SMOC1: variants seen among roughly 807,000 people sequenced by gnomAD.
SMOC1 encodes the protein SPARC related modular calcium binding 1.
In SMOC1, 22 loss-of-function variants were observed where a neutral mutation model predicts 56.3. The ratio of observed to expected loss-of-function variants is 0.39; its 90% confidence interval spans 0.28 to 0.56. The LOEUF (loss-of-function observed/expected upper bound fraction) is 0.56, where lower values mean the gene tolerates loss of function less well. Ranked by LOEUF, SMOC1 falls within the 20% of genes least tolerant of loss-of-function variation. SMOC1 has a pLI of 0.61. For synonymous variants in SMOC1, 193 were observed against 215.0 expected (o/e 0.90, Z 0.89); for missense variants, 509 against 565.4 (o/e 0.90, Z 1.01).
intron 5 of SMOC1, among the ~76,000 whole-genome samples, chr14:69,987,280 T>C (rs1884399928): frequency 6.6e-6 from 1 of 152,224 alleles, no homozygotes. Flanking sequence ...ATGGACATGG[T>C]TTGGGGAGAG....
intron 7 of SMOC1, 48 bp from the exon 8 acceptor site, chr14:70,010,706 T>C: frequency 6.3e-7 from 1 of 1,598,684 alleles, no homozygotes; most frequent in Non-Finnish European, 8.6e-7. Flanking sequence ...GACAGGAGTG[T>C]TAAATCACAG....
At chr14:69,925,802 T>C (rs1236639102) in intron 1 of SMOC1, among the ~76,000 whole-genome samples, 1 of 152,142 alleles carries the variant, frequency 6.6e-6, no homozygotes, top group Non-Finnish European at 1.5e-5. Flanking sequence ...AGCAAGTTCA[T>C]TGTAGGTTAG....
chr14:69,918,731 C>T (rs1318763189), intron 1 of SMOC1, among the ~76,000 whole-genome samples: 1 of 152,132 alleles, frequency 6.6e-6, no homozygotes, highest in Non-Finnish European at 1.5e-5. Context: ...ACACCTAGAA[C>T]CTGGCAAAAA....
intron 3 of SMOC1, among the ~76,000 whole-genome samples, chr14:69,961,738 T>C (rs576981669): frequency 6.6e-6 from 1 of 152,274 alleles, no homozygotes; most frequent in South Asian, 2.1e-4. Context: ...CATTTTTTTG[T>C]GTTTATCTGT....
intron 6 of SMOC1, among the ~76,000 whole-genome samples, 162 bp downstream of exon 6, chr14:69,992,635 T>C (rs1025594388): frequency 1.6e-4 from 25 of 152,234 alleles, no homozygotes; most frequent in African/African-American, 1.2e-4. Context: ...TTTTAAAAAA[T>C]GCAGATCCTC....
intron 7 of SMOC1, among the ~76,000 whole-genome samples, chr14:69,997,267 C>T (rs1005975800): frequency 6.6e-6 from 1 of 152,214 alleles, no homozygotes; most frequent in African/African-American, 2.4e-5. Context: ...TTCACCATCT[C>T]ACACATACCT....
At chr14:70,011,700 C>A in intron 9 of SMOC1, 133 bp downstream of exon 9, 1 of 828,918 alleles carries the variant, frequency 1.2e-6, no homozygotes, top group Non-Finnish European at 2.0e-6. Context: ...GTGGGATCTA[C>A]ATCCTGGTCT....
At chr14:69,924,986 T>C (rs1261212636) in intron 1 of SMOC1, among the ~76,000 whole-genome samples, 2 of 11,826 alleles carry the variant, frequency 1.7e-4, no homozygotes, top group Admixed American at 7.3e-4. Context: ...GGAGGAGAGG[T>C]AGGGGAGGTA....
intron 3 of SMOC1, among the ~76,000 whole-genome samples, chr14:69,967,968 C>T (rs965152691): frequency 9.9e-5 from 15 of 152,228 alleles, no homozygotes; most frequent in African/African-American, 3.6e-4. Flanking sequence ...CTTCTCTCCC[C>T]CTTAACCACT....
chr14:69,890,105 T>C lies in SMOC1; in HGVS notation c.99+10328T>C, dbSNP rs909988817. Among the ~76,000 whole-genome samples, 9 of 152,352 alleles carry C rather than the reference T, an allele frequency of 5.9e-5. No individual in the cohort carries two copies. The East Asian group carries it at 1.5e-3, about 26-fold the overall frequency. On this transcript the variant is annotated intron_variant, in intron 1 of 11. Coordinates refer to ENST00000361956, the MANE Select transcript of SMOC1 (RefSeq NM_001034852.3). Reference sequence around the variant, plus strand: ...CACATTCATTAAGGGCCTGGTACAGTGCCTGGCTCATAGAAAGTGCTTTAC... The same window carrying C: ...CACATTCATTAAGGGCCTGGTACAGCGCCTGGCTCATAGAAAGTGCTTTAC...
chr14:69,993,370 C>T (rs1225125953), intron 6 of SMOC1, among the ~76,000 whole-genome samples: 1 of 152,062 alleles, frequency 6.6e-6, no homozygotes, highest in Non-Finnish European at 1.5e-5. Flanking sequence ...GTACTGAGTA[C>T]TCCATATTCC....
intron 3 of SMOC1, among the ~76,000 whole-genome samples, chr14:69,964,905 A>G (rs1319289370): frequency 1.3e-5 from 2 of 152,176 alleles, no homozygotes; most frequent in Non-Finnish European, 1.5e-5. Context: ...CCCTGGCTCC[A>G]GAGTTCTTGA....
intron 1 of SMOC1, among the ~76,000 whole-genome samples, chr14:69,892,628 C>T (rs966934368): frequency 1.3e-5 from 2 of 152,142 alleles, no homozygotes; most frequent in Admixed American, 6.5e-5. Context: ...CCACTCATGG[C>T]CAATCTTGTT....
At chr14:69,923,813 G>T (rs369903068) in intron 1 of SMOC1, among the ~76,000 whole-genome samples, 25 of 152,248 alleles carry the variant, frequency 1.6e-4, no homozygotes, top group African/African-American at 6.0e-4. Flanking sequence ...TCAATCCTAC[G>T]TAGGAGGGAG....
chr14:69,978,206 GA>G, intron 5 of SMOC1: 1 of 564,550 alleles, frequency 1.8e-6, no homozygotes. Flanking sequence ...CCAGAGCTGG[GA>G]AGCACCTTTA....
chr14:69,886,876 AGGAAGAG>A (rs1228740765), intron 1 of SMOC1, among the ~76,000 whole-genome samples: 1 of 152,248 alleles, frequency 6.6e-6, no homozygotes, highest in African/African-American at 2.4e-5. Flanking sequence ...ACAAAAGGAC[AGGAAGAG>A]GAAACAATCA....
intron 7 of SMOC1, among the ~76,000 whole-genome samples, chr14:70,001,428 C>G (rs1355522773): frequency 6.6e-6 from 1 of 152,090 alleles, no homozygotes; most frequent in Non-Finnish European, 1.5e-5. Flanking sequence ...GTGGTCCATA[C>G]CAGTGGGGAG....
At chr14:70,016,711 A>G (rs1885526563) in intron 10 of SMOC1, among the ~76,000 whole-genome samples, 1 of 152,154 alleles carries the variant, frequency 6.6e-6, no homozygotes, top group Admixed American at 6.5e-5. Context: ...ATTATGTTCC[A>G]GGTACTGGTT....
chr14:70,011,402 A>G (rs1174551530), intron 8 of SMOC1, 83 bp from the exon 9 acceptor site: 1 of 1,323,330 alleles, frequency 7.6e-7, no homozygotes, highest in African/African-American at 1.4e-5. Flanking sequence ...TGGTGACAAC[A>G]TAGATCATTG....
Sources: allele counts gnomAD v4.1 joint callset (sites outside exome capture counted in the v4.1 genomes callset), GRCh38; gene constraint gnomAD v4.1.1; transcripts MANE v1.5; gene names NCBI Gene and HGNC (gene_info 2026-07-23, HGNC 2026-07-21).